Variants in CCDC60 observed in about 807,000 individuals in gnomAD.
CCDC60 encodes the protein coiled-coil domain containing 60, also known as coiled-coil domain-containing protein 60.
A neutral mutation model predicts 63.5 loss-of-function variants in CCDC60; 54 were observed. The ratio of observed to expected loss-of-function variants is 0.85; its 90% confidence interval spans 0.68 to 1.07. The LOEUF (loss-of-function observed/expected upper bound fraction) is 1.07. Among genes scored for constraint, CCDC60 ranks in the 50% least tolerant of loss-of-function variants. The pLI is 0.00. For synonymous variants in CCDC60, 206 were observed against 238.8 expected (o/e 0.86, Z 1.27); for missense variants, 651 against 684.3 (o/e 0.95, Z 0.54).
At chr12:119,441,785 T>C (rs978535545) in intron 2 of CCDC60, among the ~76,000 whole-genome samples, 1 of 152,246 alleles carries the variant, frequency 6.6e-6, no homozygotes. Flanking sequence ...ACTTATCCAC[T>C]CTAGCATTGA....
chr12:119,445,659 C>T (rs113486731), intron 2 of CCDC60, among the ~76,000 whole-genome samples: 26 of 152,096 alleles, frequency 1.7e-4, no homozygotes, highest in African/African-American at 6.3e-4. Context: ...AAGTGAATGG[C>T]CTGACCCTTC....
At chr12:119,429,258 C>T (rs1316312633) in intron 2 of CCDC60, among the ~76,000 whole-genome samples, 4 of 152,124 alleles carry the variant, frequency 2.6e-5, no homozygotes, top group Non-Finnish European at 5.9e-5. Flanking sequence ...CCTCATATGG[C>T]CTTGAATACA....
intron 1 of CCDC60, among the ~76,000 whole-genome samples, chr12:119,390,617 T>C (rs1325546046): frequency 6.6e-6 from 1 of 152,230 alleles, no homozygotes; most frequent in Non-Finnish European, 1.5e-5. Flanking sequence ...AGTTCTTTGA[T>C]GACCAGAGGA....
Position 119,523,739 on chromosome 12 carries a change from A to C in CCDC60, c.1150A>C (p.Asn384His). The change falls in exon 11 of 14, where the codon AAC becomes CAC. Residue 384 changes from asparagine (N) to histidine (H), a missense_variant. Coordinates refer to ENST00000327554, the MANE Select transcript of CCDC60 (RefSeq NM_178499.5). ...CATCCACTACAAGAGTGGGGTGTGT[A>C]ACACCATGAGGGCCAAGTTTTACAG... ...INIHYKSGVC[N>H]TMRAKFYSVA... The C allele has an allele frequency of 6.2e-7, 1 of 1,614,192 alleles. No homozygotes were observed. The highest frequency in any genetic ancestry group is 8.5e-7 in the Non-Finnish European group (1 of 1,179,996).
chr12:119,509,133 A>G (rs1301211143), intron 7 of CCDC60, among the ~76,000 whole-genome samples: 1 of 152,142 alleles, frequency 6.6e-6, no homozygotes, highest in Non-Finnish European at 1.5e-5. Context: ...AACTCCCTCA[A>G]ACCCTACCCT....
At chr12:119,515,856 A>G (rs1383587087) in intron 7 of CCDC60, among the ~76,000 whole-genome samples, 2 of 152,270 alleles carry the variant, frequency 1.3e-5, no homozygotes, top group African/African-American at 2.4e-5. Context: ...GAATCAAATA[A>G]AACACATTTG....
Position 119,335,238 on chromosome 12 carries a change from C to T in CCDC60, c.62C>T (p.Pro21Leu). 1.2e-6 allele frequency: 2 copies of T among 1,604,320 alleles called. No individual in the cohort carries two copies. Among genetic ancestry groups the T allele is most frequent in the Non-Finnish European group, 1.7e-6 (2 of 1,175,946 alleles). The change falls in exon 1 of 14, where the codon CCC becomes CTC. Residue 21 changes from proline (P) to leucine (L), a missense_variant. Coordinates refer to ENST00000327554, the MANE Select transcript of CCDC60 (RefSeq NM_178499.5). ...QSSPNSGAVR[P>L]FYASENLRQV... is the part of the protein sequence containing the mutation. ...TCCCCCAACTCGGGGGCTGTCCGGC[C>T]CTTTTATGCCTCGGAGAACCTAAGG...
chr12:119,530,942 T>C lies in CCDC60; in HGVS notation c.1430T>C (p.Val477Ala), dbSNP rs2136532743. ...KNFRPAKKIL[V>A]KLQKFGENLD... ...TTCCGCCCCGCCAAAAAGATCCTGG[T>C]GAAACTGCAGAAGTTTGGAGAAAAC... Residue 477 changes from valine to alanine, a missense_variant, in exon 13 of 14, where the codon GTG becomes GCG. By Grantham distance (64) the Val-to-Ala change is moderately conservative. Coordinates refer to ENST00000327554, the MANE Select transcript of CCDC60 (RefSeq NM_178499.5). 1.2e-6 allele frequency: 2 copies of C among 1,614,148 alleles called. No homozygotes were observed. The highest frequency in any genetic ancestry group is 2.2e-5 in the East Asian group (1 of 44,882).
intron 3 of CCDC60, among the ~76,000 whole-genome samples, chr12:119,478,889 G>A (rs1439338953): frequency 6.6e-6 from 1 of 152,172 alleles, no homozygotes; most frequent in Non-Finnish European, 1.5e-5. Context: ...ACAGGCATGA[G>A]CCACGGCACC....
intron 1 of CCDC60, among the ~76,000 whole-genome samples, chr12:119,342,847 C>G (rs1955546241): frequency 6.6e-6 from 1 of 152,164 alleles, no homozygotes; most frequent in African/African-American, 2.4e-5. Flanking sequence ...ATCTTTATTC[C>G]TGTGACCCCC....
intron 1 of CCDC60, among the ~76,000 whole-genome samples, chr12:119,375,264 T>C (rs555467451): frequency 3.3e-5 from 5 of 152,336 alleles, no homozygotes; most frequent in African/African-American, 9.6e-5. Context: ...ACCAGCTTTC[T>C]GGAAAAAACA....
At chr12:119,412,028 T>A (rs1042404983) in intron 1 of CCDC60, among the ~76,000 whole-genome samples, 3 of 152,180 alleles carry the variant, frequency 2.0e-5, no homozygotes, top group Non-Finnish European at 4.4e-5. Flanking sequence ...TCCTAATAGA[T>A]ATTTAAGAAA....
intron 4 of CCDC60, among the ~76,000 whole-genome samples, chr12:119,485,462 G>T (rs936977952): frequency 1.8e-4 from 28 of 152,318 alleles, no homozygotes; most frequent in Non-Finnish European, 3.7e-4. Context: ...GAACAGAAAC[G>T]TATTTCCTCA....
chr12:119,344,780 A>G (rs1483712325), intron 1 of CCDC60, among the ~76,000 whole-genome samples: 2 of 147,666 alleles, frequency 1.4e-5, no homozygotes, highest in African/African-American at 5.0e-5. Flanking sequence ...TAGTTTTGGA[A>G]TTTCTGCCTT....
intron 1 of CCDC60, among the ~76,000 whole-genome samples, chr12:119,383,828 G>C (rs1364865474): frequency 1.3e-5 from 2 of 152,194 alleles, no homozygotes; most frequent in Non-Finnish European, 2.9e-5. Context: ...AGATGGGTGA[G>C]CGTGTTATAA....
rs1230887082 is a variant in CCDC60, at chr12:119,410,793, A to G, written c.91-17890A>G. ...AGTCTCGCTCTGTCACTCGGGCTGC[A>G]GTGCGGTGGCGCGATCTCAGCTCAC... On this transcript the variant is annotated intron_variant, in intron 1 of 13. Transcript: ENST00000327554. The surrounding 1 kb of genome is among the most constrained non-coding windows in gnomAD (Gnocchi z 4.0). 1.3e-5 allele frequency among the ~76,000 whole-genome samples: 2 copies of G among 152,182 alleles called. No individual in the cohort carries two copies.
intron 1 of CCDC60, among the ~76,000 whole-genome samples, chr12:119,338,926 C>A (rs577846543): frequency 6.6e-6 from 1 of 152,328 alleles, no homozygotes; most frequent in South Asian, 2.1e-4. Context: ...TTTCCTTTCT[C>A]ACAGGGTTGG....
chr12:119,521,170 C>T (rs147079534), intron 9 of CCDC60, among the ~76,000 whole-genome samples: 47 of 152,274 alleles, frequency 3.1e-4, no homozygotes, highest in African/African-American at 9.6e-4. Flanking sequence ...GACTTAACTC[C>T]TGTAATTTTG....
chr12:119,434,167 C>G (rs1182819807), intron 2 of CCDC60, among the ~76,000 whole-genome samples: 1 of 152,176 alleles, frequency 6.6e-6, no homozygotes, highest in South Asian at 2.1e-4. Context: ...CCAGGTGATG[C>G]ACGTGTTTAA....
Sources: gnomAD v4.1 joint callset for allele counts (sites outside exome capture counted in the v4.1 genomes callset) on GRCh38, gnomAD v4.1.1 for gene constraint, Gnocchi (gnomAD v3.1) non-coding constraint, MANE v1.5 for transcripts, NCBI Gene and HGNC (gene_info 2026-07-23, HGNC 2026-07-21) for gene names.